The following DSC2 variants were observed in gnomAD, a reference collection of about 807,000 sequenced individuals.
The protein encoded by DSC2 is desmocollin-2.
Under a neutral mutation model 87.6 loss-of-function variants are expected in DSC2, and 51 were observed. That is an observed-to-expected ratio of 0.58 (90% CI 0.46 to 0.74). DSC2 has a LOEUF of 0.74. Among genes scored for constraint, DSC2 ranks in the 30% least tolerant of loss-of-function variants. DSC2 has a pLI of 0.00. For missense variants in DSC2, 1,066 were observed against 1,089.5 expected, an observed-to-expected ratio of 0.98 and a Z score of 0.30; for synonymous variants, 383 against 393.2, an observed-to-expected ratio of 0.97 and a Z score of 0.31.
Position 31,069,522 on chromosome 18 carries a change from C to G in DSC2, c.2251-371G>C, listed in dbSNP as rs115511898. ...TTGAAATGAGGAATTCAAGACCAGC[C>G]TCGCCAACATGGTGGAACTCCGTCT... On this transcript the variant is annotated intron_variant, in intron 14 of 15. Transcript: ENST00000280904. 8.3e-3 allele frequency among the ~76,000 whole-genome samples: 1,258 copies of G among 152,142 alleles called. 26 individuals carry two copies. The highest frequency in any genetic ancestry group is 0.028 in the African/African-American group (1,159 of 41,480).
chr18:31,101,515 G>T (rs909295072), intron 1 of DSC2: 2 of 186,012 alleles, frequency 1.1e-5, no homozygotes, highest in Non-Finnish European at 2.2e-5. Flanking sequence ...CCAGCTGGAC[G>T]GCCCCGGCGC....
At chr18:31,086,553 G>A in intron 7 of DSC2, 23 bp downstream of exon 7, 1 of 1,613,812 alleles carries the variant, frequency 6.2e-7, no homozygotes, top group Non-Finnish European at 8.5e-7. Flanking sequence ...GTTATAATCA[G>A]GTTTTATTAA....
chr18:31,084,367 A>C (rs1450689789), intron 7 of DSC2, among the ~76,000 whole-genome samples: 2 of 152,168 alleles, frequency 1.3e-5, no homozygotes, highest in Non-Finnish European at 2.9e-5. Context: ...TAGTGAACTA[A>C]AATTTATTGG....
At chr18:31,075,262 C>A (rs1403020520) in intron 11 of DSC2, among the ~76,000 whole-genome samples, 2 of 152,096 alleles carry the variant, frequency 1.3e-5, no homozygotes, top group Non-Finnish European at 2.9e-5. Flanking sequence ...GTTATACACA[C>A]CCGTGATCTG....
chr18:31,076,769 A>G (rs3910498), intron 11 of DSC2, among the ~76,000 whole-genome samples: 35,314 of 152,160 alleles, frequency 0.23, 4,404 homozygotes, highest in East Asian at 0.33. Flanking sequence ...CTAGACAAAT[A>G]TAAAAAAATC....
At chr18:31,080,067 T>A (rs1987158938) in intron 10 of DSC2, 29 bp downstream of exon 10, 1 of 1,613,134 alleles carries the variant, frequency 6.2e-7, no homozygotes, top group African/African-American at 1.3e-5. Flanking sequence ...AAGCTATATA[T>A]TTTAAAACTA....
Position 31,068,321 on chromosome 18 carries a change from CAG to C in DSC2, c.2509-111_2509-110del, listed in dbSNP as rs786205428. On this transcript the variant is annotated intron_variant, in intron 15 of 15. Transcript: ENST00000280904. ...TACCTTTCATTGTTTAATTTTTAAT[CAG>C]AGTGTGTCCTCTAATGGATTCCTAT... 60 of 1,613,500 alleles carry C rather than the reference CAG, an allele frequency of 3.7e-5. No individual in the cohort carries two copies. The highest frequency in any genetic ancestry group is 5.1e-5 in the Non-Finnish European group (60 of 1,179,592).
Position 31,082,349 on chromosome 18 carries a change from C to T in DSC2, c.1152G>A (p.Val384=). ...AATTAGCTCTCCAGTTAGCAGTATT[C>T]ACTAAGTCCTTATCCTCAACAGTAA... is the stretch of plus-strand genomic sequence containing the variant. ...LRVTVEDKDL[V]NTANWRANYT... Residue 384 remains valine (V), a synonymous_variant, in exon 9 of 16, where the codon GTG becomes GTA. Coordinates refer to ENST00000280904, the MANE Select transcript of DSC2 (RefSeq NM_024422.6). 1 of 1,613,908 alleles carries T rather than the reference C, an allele frequency of 6.2e-7. No homozygotes were observed. Among genetic ancestry groups the T allele is most frequent in the Non-Finnish European group, 8.5e-7 (1 of 1,179,966 alleles).
chr18:31,097,130 A>C (rs1987785465), intron 1 of DSC2, among the ~76,000 whole-genome samples: 1 of 151,800 alleles, frequency 6.6e-6, no homozygotes. Context: ...AAAATACAAA[A>C]AAAAAAAATT....
chr18:31,091,399 G>C (rs1266493399), intron 3 of DSC2: 1 of 577,510 alleles, frequency 1.7e-6, no homozygotes, highest in African/African-American at 1.9e-5. Context: ...GATGGAACTG[G>C]AAGCCTAGAA....
chr18:31,091,003 A>T, intron 4 of DSC2, 25 bp downstream of exon 4: 1 of 1,613,930 alleles, frequency 6.2e-7, no homozygotes. Flanking sequence ...ATAGACTCCC[A>T]CAGCAGAAAG....
At chr18:31,101,518 C>T (rs1321512237) in intron 1 of DSC2, 5 of 206,904 alleles carry the variant, frequency 2.4e-5, no homozygotes, top group South Asian at 9.7e-5. Context: ...GCTGGACGGC[C>T]CCGGCGCACT....
At chr18:31,093,511 T>A (rs760530177) in intron 2 of DSC2, 48 bp downstream of exon 2, 1 of 1,453,862 alleles carries the variant, frequency 6.9e-7, no homozygotes, top group Non-Finnish European at 9.6e-7. Flanking sequence ...ATGGCGTATA[T>A]GTACCACAGC....
intron 9 of DSC2, among the ~76,000 whole-genome samples, chr18:31,080,662 C>T (rs1598581704): frequency 6.6e-6 from 1 of 152,324 alleles, no homozygotes; most frequent in Admixed American, 6.5e-5. Flanking sequence ...GTGTGTAGCA[C>T]ATCCCCCTTT....
chr18:31,083,955 A>G (rs1411813037), intron 7 of DSC2, among the ~76,000 whole-genome samples: 1 of 152,210 alleles, frequency 6.6e-6, no homozygotes, highest in African/African-American at 2.4e-5. Flanking sequence ...TCCAAAAATA[A>G]GAGACACAAT....
rs2144768488 is a variant in DSC2, at chr18:31,062,413, AT to A, written c.*5601del. On this transcript the variant is annotated 3_prime_UTR_variant, in exon 16 of 16. Coordinates refer to ENST00000280904, the MANE Select transcript of DSC2 (RefSeq NM_024422.6). ...GTGGCCTTTTGGTTAAAAAAAAAAAATTCACTGCAGTGTTTGAACCTGGCAA... is the reference window on the plus strand; with the variant it reads ...GTGGCCTTTTGGTTAAAAAAAAAAAATCACTGCAGTGTTTGAACCTGGCAA... 1 of 151,516 alleles carries A rather than the reference AT, an allele frequency of 6.6e-6. No homozygotes were observed. The highest frequency in any genetic ancestry group is 1.9e-4 in the East Asian group (1 of 5,152). 9.4% of individuals were successfully genotyped at this position (151,516 alleles called of 1,614,324 possible).
rs369437947 is a variant in DSC2 at position 31,083,097 on chromosome 18, G to A, written c.943-37C>T. 7.9e-5 allele frequency: 126 copies of A among 1,596,826 alleles called. No homozygotes were observed. The African/African-American group carries it at 1.5e-3, about 19-fold the overall frequency. The stretch of plus-strand genomic sequence containing the variant: ...AAAAGAATTTAATTATTGGGGGAAA[G>A]CACCAACATTATAATTGAAATCTTA... On this transcript the variant is annotated intron_variant, in intron 7 of 15. Coordinates refer to ENST00000280904, the MANE Select transcript of DSC2 (RefSeq NM_024422.6).
intron 11 of DSC2, among the ~76,000 whole-genome samples, chr18:31,076,973 A>C (rs2144805653): frequency 6.6e-6 from 1 of 152,326 alleles, no homozygotes; most frequent in East Asian, 1.9e-4. Flanking sequence ...AGAATTTTAA[A>C]CCAAGTCAAA....
rs1182502784 is a variant in DSC2 at position 31,082,219 on chromosome 18, T to C, written c.1263+19A>G. 6.3e-7 allele frequency: 1 copy of C among 1,598,500 alleles called. No individual in the cohort carries two copies. ...CTATGATATTATAAACTACAAATAA[T>C]GTTCTAATTTATTCTTACCTTAACT... On this transcript the variant is annotated intron_variant, in intron 9 of 15. Coordinates refer to ENST00000280904, the MANE Select transcript of DSC2 (RefSeq NM_024422.6).
Sources: gnomAD v4.1 joint callset for allele counts (sites outside exome capture counted in the v4.1 genomes callset) on GRCh38, gnomAD v4.1.1 for gene constraint, MANE v1.5 for transcripts, NCBI Gene and HGNC (gene_info 2026-07-23, HGNC 2026-07-21) for gene names.